Variants in COL9A3 observed in about 807,000 individuals in gnomAD.
COL9A3 encodes collagen type IX alpha 3 chain, also known as collagen alpha-3(IX) chain.
Under a neutral mutation model 110.2 loss-of-function variants are expected in COL9A3, and 82 were observed. That is an observed-to-expected ratio of 0.74 (90% CI 0.62 to 0.89). The LOEUF (loss-of-function observed/expected upper bound fraction) is 0.89, where lower values mean the gene tolerates loss of function less well. COL9A3 is among the 40% of genes least tolerant of loss of function. The pLI is 0.00. For missense variants in COL9A3, 1,066 were observed against 981.3 expected, an observed-to-expected ratio of 1.09 and a Z score of -1.15; for synonymous variants, 494 against 403.8, an observed-to-expected ratio of 1.22 and a Z score of -2.68.
At chr20:62,824,355 G>A (rs2063534153) in intron 10 of COL9A3, 90 bp from the exon 11 acceptor site, 1 of 1,374,250 alleles carries the variant, frequency 7.3e-7, no homozygotes, top group Admixed American at 2.0e-5. Flanking sequence ...GTGCAGAGTG[G>A]CCTCCTGGGG....
chr20:62,818,788 G>T (rs1489917999), intron 3 of COL9A3, among the ~76,000 whole-genome samples: 2 of 152,116 alleles, frequency 1.3e-5, no homozygotes, highest in Non-Finnish European at 2.9e-5. Context: ...TTGGACCAGC[G>T]CCAGGCAGGC....
At chr20:62,839,431 G>A (rs1011619868) in intron 31 of COL9A3, among the ~76,000 whole-genome samples, 5 of 152,196 alleles carry the variant, frequency 3.3e-5, no homozygotes, top group Admixed American at 2.0e-4. Flanking sequence ...GGGAGGCAGC[G>A]CCAGGATCCT....
chr20:62,837,169 C>G lies in COL9A3; in HGVS notation c.1690C>G (p.Pro564Ala). ...GCCCGGTCCAGCTGGCCCCCCTGGG[C>G]CCCCAGGACCCCCAGGCTCCATTGG... ...GRPGPAGPPG[P>A]PGPPGSIGHP... The change falls in exon 30 of 32, where the codon CCC (proline) becomes GCC (alanine). Residue 564 changes from proline to alanine, a missense_variant. Physicochemically the swap from Pro to Ala is conservative, Grantham distance 27. Transcript: ENST00000649368. The G allele has an allele frequency of 6.2e-7, 1 of 1,612,070 alleles. No individual in the cohort carries two copies.
At chr20:62,837,558 C>G (rs972633848) in intron 30 of COL9A3, among the ~76,000 whole-genome samples, 16 of 152,156 alleles carry the variant, frequency 1.1e-4, no homozygotes, top group Non-Finnish European at 1.9e-4. Context: ...CCTGTAATCC[C>G]AACACTTTGG....
At chr20:62,840,471 C>CA in intron 31 of COL9A3, 71 bp from the exon 32 acceptor site, 1 of 1,404,878 alleles carries the variant, frequency 7.1e-7, no homozygotes, top group African/African-American at 1.4e-5. Flanking sequence ...GGCTTGCCCA[C>CA]AGCTGGATGT....
At chr20:62,835,531 A>G (rs2063628270) in intron 26 of COL9A3, among the ~76,000 whole-genome samples, 1 of 152,164 alleles carries the variant, frequency 6.6e-6, no homozygotes, top group Non-Finnish European at 1.5e-5. Flanking sequence ...AACCCGGCTG[A>G]CTGTGTGTTG....
chr20:62,826,631 G>C, intron 14 of COL9A3, 136 bp from the exon 15 acceptor site: 1 of 889,330 alleles, frequency 1.1e-6, no homozygotes, highest in Non-Finnish European at 1.8e-6. Flanking sequence ...AGACTACTAG[G>C]TGGCATCTTG....
At chr20:62,824,589 C>A in intron 11 of COL9A3, 88 bp downstream of exon 11, 1 of 1,375,004 alleles carries the variant, frequency 7.3e-7, no homozygotes, top group South Asian at 1.2e-5. Context: ...GGTGGCGGGT[C>A]CAGAAAGCTG....
chr20:62,838,562 TA>T, intron 30 of COL9A3, 121 bp from the exon 31 acceptor site: 3 of 934,114 alleles, frequency 3.2e-6, no homozygotes, highest in Non-Finnish European at 5.1e-6. Context: ...TGTACTTTTC[TA>T]AATGTTTCCA....
In COL9A3 at chr20:62,840,894, T is replaced by C. The variant is rs1266727917; in HGVS notation, c.*162T>C. 1.4e-6 allele frequency: 1 copy of C among 722,074 alleles called. No homozygotes were observed. Among genetic ancestry groups the C allele is most frequent in the Non-Finnish European group, 2.4e-6 (1 of 421,048 alleles). 44.7% of individuals were successfully genotyped at this position (722,074 alleles called of 1,614,324 possible). A position where few individuals can be genotyped will look rare whatever the true frequency, so the allele number is the denominator to read the frequency against. On this transcript the variant is annotated 3_prime_UTR_variant, in exon 32 of 32. Transcript: ENST00000649368. ...CGGGCCTTGCCAGCGAGCACCCTCA[T>C]CGGGCTGTCGCCTGACAGCATACCT...
chr20:62,836,261 C>T lies in COL9A3; in HGVS notation c.1476C>T (p.Pro492=), dbSNP rs76559905. The change falls in exon 28 of 32, where the codon CCC becomes CCT. Residue 492 remains proline, a synonymous_variant. Coordinates refer to ENST00000649368, the MANE Select transcript of COL9A3 (RefSeq NM_001853.4). ...GCACCAGCGGTGTTCAGGGTGTCCC[C>T]GGGCCCCCCGGTCCTCTGGGCCTGC... The part of the protein sequence containing the change: ...PNGTSGVQGV[P]GPPGPLGLQG... 2.1e-3 allele frequency: 3,331 copies of T among 1,613,766 alleles called. 42 individuals carry two copies. The African/African-American group carries it at 0.025, about 12-fold the overall frequency.
chr20:62,838,774 G>C lies in COL9A3; in HGVS notation c.1864+13G>C, dbSNP rs771389785. 2 of 1,548,854 alleles carry C rather than the reference G, an allele frequency of 1.3e-6. No homozygotes were observed. The highest frequency in any genetic ancestry group is 1.2e-5 in the South Asian group (1 of 83,988). On this transcript the variant is annotated intron_variant, in intron 31 of 31. Transcript: ENST00000649368. Reference sequence around the variant, plus strand: ...CAGGGGCCCCAAGGTACGAGTCCACGGCCAGCAAGGCTTCACTGGGTGACA... The same window carrying C: ...CAGGGGCCCCAAGGTACGAGTCCACCGCCAGCAAGGCTTCACTGGGTGACA...
intron 24 of COL9A3, 38 bp downstream of exon 24, chr20:62,830,626 C>A: frequency 1.4e-6 from 2 of 1,478,704 alleles, no homozygotes; most frequent in Non-Finnish European, 1.8e-6. Context: ...CCCTGCACCC[C>A]CTCTACCCAT....
Position 62,825,847 on chromosome 20 carries a change from C to G in COL9A3, c.661C>G (p.Leu221Val), listed in dbSNP as rs1262154637. ...GDPGPPGPAG[L>V]PGSVGLQGPR... is the part of the protein sequence containing the mutation. ...CCCTGGCCCCCCTGGGCCCGCCGGCCTCCCGGGCAGCGTGGGGCTGCAGGT... is the reference window on the plus strand; with the variant it reads ...CCCTGGCCCCCCTGGGCCCGCCGGCGTCCCGGGCAGCGTGGGGCTGCAGGT... Residue 221 changes from leucine (L) to valine (V), a missense_variant, in exon 13 of 32, where the codon CTC becomes GTC. Leu to Val is a conservative substitution (Grantham distance 32). Coordinates refer to ENST00000649368, the MANE Select transcript of COL9A3 (RefSeq NM_001853.4). 6.4e-7 allele frequency: 1 copy of G among 1,558,842 alleles called. No homozygotes were observed. Among genetic ancestry groups the G allele is most frequent in the African/African-American group, 1.4e-5 (1 of 73,730 alleles).
At position 62,817,822 on chromosome 20, in the gene COL9A3, G is replaced by T. The variant is rs575982563; in HGVS notation, c.147+187G>T. The T allele has an allele frequency of 2.3e-4, 159 of 676,820 alleles. 1 individual carries two copies. In the African/African-American group the frequency reaches 2.4e-3, roughly 10 times the overall value. 41.9% of individuals were successfully genotyped at this position (676,820 alleles called of 1,614,324 possible). A position where few individuals can be genotyped will look rare whatever the true frequency, so the allele number is the denominator to read the frequency against. On this transcript the variant is annotated intron_variant, in intron 2 of 31. Transcript: ENST00000649368. The stretch of plus-strand genomic sequence containing the variant: ...CTGCGGGGACTGCTGGTGGGTAGGG[G>T]TGGAGGGTGTCATGTGGTGGTCCTC...
chr20:62,821,309 C>T lies in COL9A3; in HGVS notation c.345+93C>T, dbSNP rs552093396. On this transcript the variant is annotated intron_variant, in intron 6 of 31. Transcript: ENST00000649368. ...GGGTGGCCTCCAGGAATCCCAGGGA[C>T]CATCCCTGGCCCTCTCATCTGCAGC... is the stretch of plus-strand genomic sequence containing the variant. 82 of 1,380,522 alleles carry T rather than the reference C, an allele frequency of 5.9e-5. No individual in the cohort carries two copies. In the Admixed American group the frequency reaches 1.2e-3, roughly 20 times the overall value. The allele number at this position is 1,380,522 out of a possible 1,614,324, so 85.5% of individuals were successfully genotyped here.
chr20:62,836,257 TCCCCGGG>T lies in COL9A3; in HGVS notation c.1477_1483del (p.Gly493ProfsTer38). 1 of 1,613,742 alleles carries T rather than the reference TCCCCGGG, an allele frequency of 6.2e-7. No homozygotes were observed. The highest frequency in any genetic ancestry group is 8.5e-7 in the Non-Finnish European group (1 of 1,179,980). ...AACGGCACCAGCGGTGTTCAGGGTG[TCCCCGGG>T]CCCCCCGGTCCTCTGGGCCTGCAGG... is the stretch of plus-strand genomic sequence containing the variant. On this transcript the variant is annotated frameshift_variant, in exon 28 of 32. Transcript: ENST00000649368. LOFTEE classifies it high-confidence loss of function.
chr20:62,828,120 A>G lies in COL9A3; in HGVS notation c.900+144A>G, dbSNP rs935219460. 4 of 824,612 alleles carry G rather than the reference A, an allele frequency of 4.9e-6. No individual in the cohort carries two copies. The African/African-American group carries it at 6.7e-5, about 14-fold the overall frequency. The allele number at this position is 824,612 out of a possible 1,614,324, so 51.1% of individuals were successfully genotyped here. A position where few individuals can be genotyped will look rare whatever the true frequency, so the allele number is the denominator to read the frequency against. On this transcript the variant is annotated intron_variant, in intron 17 of 31. Transcript: ENST00000649368. Reference sequence around the variant, plus strand: ...TGGGTTAACGGTGGAACAGCCCCGCAGCCCCACACATTTCTCTCTTGCCCA... The same window carrying G: ...TGGGTTAACGGTGGAACAGCCCCGCGGCCCCACACATTTCTCTCTTGCCCA...
In COL9A3 at chr20:62,827,249, A is replaced by C; in HGVS notation, c.801A>C (p.Arg267=). The C allele has an allele frequency of 6.2e-7, 1 of 1,613,264 alleles. No homozygotes were observed. Among genetic ancestry groups the C allele is most frequent in the Non-Finnish European group, 8.5e-7 (1 of 1,179,958 alleles). The change falls in exon 16 of 32, where the codon CGA becomes CGC. Residue 267 remains arginine, a synonymous_variant. Coordinates refer to ENST00000649368, the MANE Select transcript of COL9A3 (RefSeq NM_001853.4). ...IPGAPGKAGD[R]GERGPEGFRG... ...CACCTCATCCTTTCCAGGGTGACCG[A>C]GGCGAGAGGGGCCCAGAAGGGTTCC...
Sources: allele counts gnomAD v4.1 joint callset (sites outside exome capture counted in the v4.1 genomes callset), GRCh38; gene constraint gnomAD v4.1.1; transcripts MANE v1.5; gene names NCBI Gene and HGNC (gene_info 2026-07-23, HGNC 2026-07-21).